INPP5A: variants seen among roughly 807,000 people sequenced by gnomAD.
The protein encoded by INPP5A is 43 kDa inositol polyphosphate 5-phophatase.
A neutral mutation model predicts 65.2 loss-of-function variants in INPP5A; 14 were observed. That is an observed-to-expected ratio of 0.21 (90% CI 0.14 to 0.34). INPP5A has a LOEUF of 0.34. INPP5A is among the 10% of genes least tolerant of loss of function. The pLI is 1.00. For synonymous variants in INPP5A, 207 were observed against 208.3 expected, an observed-to-expected ratio of 0.99 and a Z score of 0.05; for missense variants, 431 against 545.6, an observed-to-expected ratio of 0.79 and a Z score of 2.09.
At chr10:132,579,352 G>A (rs925602338) in intron 1 of INPP5A, among the ~76,000 whole-genome samples, 1 of 152,108 alleles carries the variant, frequency 6.6e-6, no homozygotes, top group African/African-American at 2.4e-5. Flanking sequence ...GTGAGGGCAT[G>A]AACTCCGTTT....
chr10:132,693,792 A>G (rs190721133), intron 5 of INPP5A, among the ~76,000 whole-genome samples: 2 of 152,342 alleles, frequency 1.3e-5, no homozygotes, highest in Admixed American at 1.3e-4. Context: ...AAAGAGGGAC[A>G]TTACATCATG....
At chr10:132,772,501 G>A (rs1846972436) in intron 12 of INPP5A, among the ~76,000 whole-genome samples, 1 of 126,928 alleles carries the variant, frequency 7.9e-6, no homozygotes, top group East Asian at 2.4e-4. Context: ...TGACACAGAG[G>A]CCACAGCAGC....
chr10:132,631,571 C>T (rs1046471658), intron 2 of INPP5A, among the ~76,000 whole-genome samples: 2 of 152,222 alleles, frequency 1.3e-5, no homozygotes, highest in African/African-American at 4.8e-5. Flanking sequence ...CACTCCGATA[C>T]TCCTCTTTGG....
At chr10:132,632,254 G>A (rs1183431028) in intron 2 of INPP5A, among the ~76,000 whole-genome samples, 1 of 152,206 alleles carries the variant, frequency 6.6e-6, no homozygotes, top group Non-Finnish European at 1.5e-5. Flanking sequence ...AGGCTCCCAG[G>A]CCAGCCCTGG....
rs1565014132 is a variant in INPP5A at position 132,775,174 on chromosome 10, G to GAAAC, written c.978-2497_978-2496insAAAC. Among the ~76,000 whole-genome samples, 14 of 2,626 alleles carry GAAAC rather than the reference G, an allele frequency of 5.3e-3. 2 individuals are homozygous for GAAAC. Among genetic ancestry groups the GAAAC allele is most frequent in the African/African-American group, 0.02 (12 of 614 alleles). The allele number at this position is 2,626 out of a possible 152,430, so 1.7% of individuals were successfully genotyped here. A position where few individuals can be genotyped will look rare whatever the true frequency, so the allele number is the denominator to read the frequency against. ...AGGGAGGAGAGAGGGGCAGAGAGGA[G>GAAAC]GGGCAGGGAGAGAGGGAGGGGCAGG... On this transcript the variant is annotated intron_variant, in intron 12 of 15. Coordinates refer to ENST00000368594, the MANE Select transcript of INPP5A (RefSeq NM_005539.5).
chr10:132,540,449 G>A (rs963271792), intron 1 of INPP5A, among the ~76,000 whole-genome samples: 2 of 152,244 alleles, frequency 1.3e-5, no homozygotes, highest in African/African-American at 4.8e-5. Context: ...GGTGCATTGT[G>A]ATTTCAGGGC....
At chr10:132,673,951 G>T (rs1273839778) in intron 4 of INPP5A, among the ~76,000 whole-genome samples, 1 of 152,240 alleles carries the variant, frequency 6.6e-6, no homozygotes, top group Non-Finnish European at 1.5e-5. Flanking sequence ...GTGAGCGGAA[G>T]CTCATGTTGC....
intron 8 of INPP5A, among the ~76,000 whole-genome samples, chr10:132,726,030 C>T (rs1030921448): frequency 3.3e-5 from 5 of 152,086 alleles, no homozygotes; most frequent in South Asian, 4.2e-4. Flanking sequence ...CTGACTGGAG[C>T]CGCTGAGGGG....
intron 12 of INPP5A, among the ~76,000 whole-genome samples, chr10:132,773,830 T>C (rs12783367): frequency 0.19 from 28,779 of 152,236 alleles, 3,217 homozygotes; most frequent in Non-Finnish European, 0.26. Context: ...GTGGTGATCT[T>C]GCCTCACTGC....
rs56217302 is a variant in INPP5A at position 132,568,189 on chromosome 10, CAA to C, written c.75+30041_75+30042del. Among the ~76,000 whole-genome samples the C allele has an allele frequency of 8.6e-3, 530 of 61,920 alleles. 1 individual carries two copies. The highest frequency in any genetic ancestry group is 0.03 in the African/African-American group (482 of 16,232). The allele number at this position is 61,920 out of a possible 152,430, so 40.6% of individuals were successfully genotyped here. ...CTGGTGACAGAGCAAGACTCCGTCT[CAA>C]AAAAAAAAAAAAAAAAAAAAAATTG... On this transcript the variant is annotated intron_variant, in intron 1 of 15. Coordinates refer to ENST00000368594, the MANE Select transcript of INPP5A (RefSeq NM_005539.5).
At chr10:132,566,576 C>T (rs891715874) in intron 1 of INPP5A, among the ~76,000 whole-genome samples, 5 of 152,184 alleles carry the variant, frequency 3.3e-5, no homozygotes, top group African/African-American at 1.2e-4. Context: ...GGATGTAATT[C>T]CCTGTTTTCA....
At chr10:132,734,833 C>T (rs919445520) in intron 9 of INPP5A, among the ~76,000 whole-genome samples, 1 of 152,204 alleles carries the variant, frequency 6.6e-6, no homozygotes, top group Non-Finnish European at 1.5e-5. Flanking sequence ...GAGGGAGTGT[C>T]GGAGTCAAAG....
At chr10:132,629,097 C>G (rs1463939711) in intron 2 of INPP5A, among the ~76,000 whole-genome samples, 4 of 152,194 alleles carry the variant, frequency 2.6e-5, no homozygotes, top group African/African-American at 9.7e-5. Flanking sequence ...GCTGAAGCAG[C>G]ACCTGGCATT....
chr10:132,546,168 G>T lies in INPP5A; in HGVS notation c.75+7997G>T, dbSNP rs1004519346. The stretch of plus-strand genomic sequence containing the variant: ...TCCGAGGATGTGGAAGCCACCAGTC[G>T]TCCTGGGTGGGTTGGGGCTGGACAC... On this transcript the variant is annotated intron_variant, in intron 1 of 15. Coordinates refer to ENST00000368594, the MANE Select transcript of INPP5A (RefSeq NM_005539.5). This position sits in a 1 kb window ranked among gnomAD's most constrained non-coding sequence, Gnocchi z 5.7. 1.3e-5 allele frequency among the ~76,000 whole-genome samples: 2 copies of T among 152,210 alleles called. No individual in the cohort carries two copies. Among genetic ancestry groups the T allele is most frequent in the Non-Finnish European group, 2.9e-5 (2 of 68,028 alleles).
At chr10:132,730,713 C>T (rs532847651) in intron 9 of INPP5A, among the ~76,000 whole-genome samples, 6 of 152,322 alleles carry the variant, frequency 3.9e-5, no homozygotes, top group Non-Finnish European at 5.9e-5. Context: ...TGGCAGAGCT[C>T]CTGCGGGCCT....
chr10:132,772,412 G>A (rs1322881483), intron 12 of INPP5A, among the ~76,000 whole-genome samples: 8 of 119,378 alleles, frequency 6.7e-5, no homozygotes, highest in East Asian at 5.1e-4. Context: ...GCCACCCCAC[G>A]AGGAGTGGGA....
intron 2 of INPP5A, among the ~76,000 whole-genome samples, chr10:132,623,761 C>T (rs957269523): frequency 2.0e-5 from 3 of 152,102 alleles, no homozygotes; most frequent in African/African-American, 4.8e-5. Flanking sequence ...TGATGAAGGA[C>T]TTGTATCTAG....
rs566445037 is a variant in INPP5A at position 132,634,338 on chromosome 10, G to A, written c.118-11530G>A. Among the ~76,000 whole-genome samples the A allele has an allele frequency of 9.0e-3, 1,295 of 143,506 alleles. 24 individuals are homozygous for A. Among genetic ancestry groups the A allele is most frequent in the African/African-American group, 0.035 (1,215 of 34,620 alleles). The allele number at this position is 143,506 out of a possible 152,430, so 94.1% of individuals were successfully genotyped here. On this transcript the variant is annotated intron_variant, in intron 2 of 15. Transcript: ENST00000368594. ...GGAGAGGCGTATCATCTCCCTTGGT[G>A]GGTGTGCCCCGGAGAGGCGTATCAT...
At chr10:132,562,830 G>A (rs1159522524) in intron 1 of INPP5A, among the ~76,000 whole-genome samples, 5 of 152,248 alleles carry the variant, frequency 3.3e-5, no homozygotes, top group Non-Finnish European at 5.9e-5. Context: ...CCTCGAGAGG[G>A]ACAGAGCCTT....
Sources: gnomAD v4.1 joint callset for allele counts (sites outside exome capture counted in the v4.1 genomes callset) on GRCh38, gnomAD v4.1.1 for gene constraint, Gnocchi (gnomAD v3.1) non-coding constraint, MANE v1.5 for transcripts, NCBI Gene and HGNC (gene_info 2026-07-23, HGNC 2026-07-21) for gene names.